Variants in TMPRSS15 observed in about 807,000 individuals in gnomAD.
TMPRSS15 encodes enteropeptidase.
Under a neutral mutation model 125.3 loss-of-function variants are expected in TMPRSS15, and 128 were observed. The observed-to-expected ratio is 1.02, with a 90% CI of 0.89 to 1.18. The LOEUF (loss-of-function observed/expected upper bound fraction) is 1.18, where lower values mean the gene tolerates loss of function less well. Among genes scored for constraint, TMPRSS15 ranks in the 50% most tolerant of loss-of-function variants. The pLI is 0.00. For missense variants in TMPRSS15, 1,283 were observed against 1,212.7 expected (o/e 1.06, Z -0.86); for synonymous variants, 446 against 423.2 (o/e 1.05, Z -0.66).
intron 6 of TMPRSS15, among the ~76,000 whole-genome samples, chr21:18,366,571 T>C (rs2075740292): frequency 6.6e-6 from 1 of 152,194 alleles, no homozygotes; most frequent in South Asian, 2.1e-4. Context: ...TTAGAGATTT[T>C]TGTTTTTTTC....
chr21:18,276,518 C>T (rs2074622407), intron 23 of TMPRSS15, among the ~76,000 whole-genome samples: 1 of 152,124 alleles, frequency 6.6e-6, no homozygotes, highest in Non-Finnish European at 1.5e-5. Context: ...GATGGCTTGG[C>T]AGACTTTAAT....
intron 1 of TMPRSS15, among the ~76,000 whole-genome samples, chr21:18,478,905 A>G (rs1479541185): frequency 6.6e-6 from 1 of 151,940 alleles, no homozygotes; most frequent in African/African-American, 2.4e-5. Context: ...TTCCCCTTTC[A>G]ACACCCTCCA....
intron 3 of TMPRSS15, among the ~76,000 whole-genome samples, chr21:18,395,964 T>C (rs1311550732): frequency 6.6e-6 from 1 of 152,194 alleles, no homozygotes; most frequent in Non-Finnish European, 1.5e-5. Context: ...CATTTCAAAT[T>C]GTGGGCTTGG....
intron 16 of TMPRSS15, among the ~76,000 whole-genome samples, chr21:18,320,379 G>A (rs903704951): frequency 6.6e-6 from 1 of 151,818 alleles, no homozygotes; most frequent in Non-Finnish European, 1.5e-5. Flanking sequence ...ATAGCTTACT[G>A]AAATCACTAT....
At chr21:18,340,895 A>G (rs1049219856) in intron 13 of TMPRSS15, among the ~76,000 whole-genome samples, 4 of 152,220 alleles carry the variant, frequency 2.6e-5, no homozygotes, top group African/African-American at 9.6e-5. Flanking sequence ...AATATGCTCA[A>G]TAACGAAGAG....
chr21:18,278,739 A>G (rs1028794947), intron 23 of TMPRSS15, among the ~76,000 whole-genome samples: 19 of 152,078 alleles, frequency 1.2e-4, no homozygotes, highest in African/African-American at 4.6e-4. Context: ...AACAAACAAA[A>G]TCCTACAAAT....
chr21:18,446,899 A>G (rs1355351879), intron 1 of TMPRSS15, among the ~76,000 whole-genome samples: 1 of 103,944 alleles, frequency 9.6e-6, no homozygotes, highest in East Asian at 5.7e-4. Flanking sequence ...TTTTTATATA[A>G]CCCCAAAAAA....
chr21:18,360,015 C>T (rs558673604), intron 7 of TMPRSS15, 152 bp from the exon 8 acceptor site: 7 of 516,138 alleles, frequency 1.4e-5, no homozygotes, highest in South Asian at 2.1e-5. Flanking sequence ...GCAGTATTGC[C>T]GGTTATGAAC....
chr21:18,396,824 A>G (rs1472495260), intron 3 of TMPRSS15, among the ~76,000 whole-genome samples: 2 of 124,700 alleles, frequency 1.6e-5, no homozygotes, highest in Non-Finnish European at 3.4e-5. Flanking sequence ...CTATCTATCT[A>G]TCTATCTATC....
At chr21:18,371,925 T>C (rs1258880384) in intron 6 of TMPRSS15, among the ~76,000 whole-genome samples, 2 of 152,126 alleles carry the variant, frequency 1.3e-5, no homozygotes, top group Non-Finnish European at 2.9e-5. Context: ...GTTAATCACA[T>C]CTTCCTTTCT....
intron 1 of TMPRSS15, chr21:18,477,480 C>A (rs776190074): frequency 6.6e-6 from 1 of 152,046 alleles, no homozygotes; most frequent in African/African-American, 2.4e-5. Context: ...ATCATTTCTC[C>A]TTTAGGGCTT....
intron 16 of TMPRSS15, among the ~76,000 whole-genome samples, chr21:18,322,762 G>A (rs1181254315): frequency 6.6e-6 from 1 of 152,014 alleles, no homozygotes; most frequent in East Asian, 1.9e-4. Flanking sequence ...GGTTTCAATG[G>A]GTACCAAAAT....
chr21:18,478,427 A>T (rs779770702), intron 1 of TMPRSS15, among the ~76,000 whole-genome samples: 37 of 151,996 alleles, frequency 2.4e-4, no homozygotes, highest in Non-Finnish European at 4.4e-4. Context: ...TAAATAGGGT[A>T]ATACAGAAAG....
At chr21:18,278,679 G>T (rs1008216348) in intron 23 of TMPRSS15, among the ~76,000 whole-genome samples, 1 of 152,064 alleles carries the variant, frequency 6.6e-6, no homozygotes. Context: ...TCAAGATGGC[G>T]CCACTGCACT....
intron 1 of TMPRSS15, among the ~76,000 whole-genome samples, chr21:18,477,093 T>C (rs1978894513): frequency 1.3e-5 from 2 of 152,292 alleles, no homozygotes; most frequent in South Asian, 4.1e-4. Context: ...CAAAAGTTAA[T>C]ATGATACGCC....
chr21:18,273,709 G>A (rs1236961026), intron 24 of TMPRSS15, among the ~76,000 whole-genome samples: 1 of 152,140 alleles, frequency 6.6e-6, no homozygotes, highest in African/African-American at 2.4e-5. Flanking sequence ...GAATTCTATA[G>A]ATCTCCTTCT....
chr21:18,376,208 T>A (rs1230171677), intron 5 of TMPRSS15, among the ~76,000 whole-genome samples: 1 of 151,818 alleles, frequency 6.6e-6, no homozygotes, highest in African/African-American at 2.4e-5. Context: ...TAGTTTTTTT[T>A]TTTTAAATTT....
rs967874550 is a variant in TMPRSS15, at chr21:18,275,015, A to G, written c.2904+182T>C. Among the ~76,000 whole-genome samples, 7 of 152,192 alleles carry G rather than the reference A, an allele frequency of 4.6e-5. No homozygotes were observed. In the South Asian group the frequency reaches 1.5e-3, roughly 32 times the overall value. On this transcript the variant is annotated intron_variant, in intron 24 of 24. Transcript: ENST00000284885. The stretch of plus-strand genomic sequence containing the variant: ...TTGTAACCTATTTTCTTAAAAAATA[A>G]TTTTTGTTTCCAGTGCTCAGGTCTA...
intron 1 of TMPRSS15, among the ~76,000 whole-genome samples, chr21:18,461,701 T>C (rs1978554195): frequency 6.6e-6 from 1 of 152,136 alleles, no homozygotes; most frequent in African/African-American, 2.4e-5. Context: ...TACAATAATG[T>C]TTCCTTTAGA....
Sources: gnomAD v4.1 joint callset for allele counts (sites outside exome capture counted in the v4.1 genomes callset) on GRCh38, gnomAD v4.1.1 for gene constraint, MANE v1.5 for transcripts, NCBI Gene and HGNC (gene_info 2026-07-23, HGNC 2026-07-21) for gene names.